The following OCA2 variants were observed in gnomAD, a reference collection of about 807,000 sequenced individuals.
OCA2 encodes P protein.
A neutral mutation model predicts 100.2 loss-of-function variants in OCA2; 77 were observed. The ratio of observed to expected loss-of-function variants is 0.77; its 90% CI spans 0.64 to 0.93. The LOEUF is 0.93. OCA2 is among the 40% of genes least tolerant of loss of function. The probability of loss-of-function intolerance (pLI) is 0.00; values close to 1 mark genes in which losing one functional copy is unlikely to be tolerated. For synonymous variants in OCA2, 432 were observed against 439.2 expected (o/e 0.98, Z 0.21); for missense variants, 1,062 against 1,089.1 (o/e 0.98, Z 0.35).
intron 19 of OCA2, among the ~76,000 whole-genome samples, chr15:27,883,538 T>A (rs2037107017): frequency 6.6e-6 from 1 of 151,180 alleles, no homozygotes; most frequent in Non-Finnish European, 1.5e-5. Context: ...CCACCTAGAG[T>A]CCTGGGACCT....
At chr15:28,005,116 G>A (rs1224711294) in intron 9 of OCA2, among the ~76,000 whole-genome samples, 1 of 152,114 alleles carries the variant, frequency 6.6e-6, no homozygotes, top group African/African-American at 2.4e-5. Context: ...GCAGGCTTGG[G>A]AGGCTCCTCT....
At chr15:27,885,910 T>C (rs1219074614) in intron 19 of OCA2, among the ~76,000 whole-genome samples, 1 of 152,168 alleles carries the variant, frequency 6.6e-6, no homozygotes, top group Non-Finnish European at 1.5e-5. Context: ...CACAGATATA[T>C]ATTAGAGCAT....
At chr15:27,724,814 C>CT in the OCA2 span, among the ~76,000 whole-genome samples, 73,955 of 147,056 alleles carry the variant, frequency 0.5, 18,682 homozygotes, top group African/African-American at 0.54. Flanking sequence ...GTGAGAGACG[C>CT]TTTTTTTTTT....
intron 21 of OCA2, among the ~76,000 whole-genome samples, chr15:27,864,249 C>T (rs1355358214): frequency 2.0e-5 from 3 of 152,170 alleles, no homozygotes; most frequent in Non-Finnish European, 2.9e-5. Flanking sequence ...TTAGCTTGCA[C>T]AATGGCAGAG....
At chr15:28,035,359 T>C (rs1384625793) in intron 2 of OCA2, among the ~76,000 whole-genome samples, 1 of 152,124 alleles carries the variant, frequency 6.6e-6, no homozygotes, top group East Asian at 1.9e-4. Flanking sequence ...CTTAACACCA[T>C]CCGGATACCA....
intron 3 of OCA2, among the ~76,000 whole-genome samples, chr15:28,029,876 G>A (rs915147730): frequency 2.0e-5 from 3 of 152,170 alleles, no homozygotes; most frequent in Admixed American, 1.3e-4. Context: ...AAAGGAAAAC[G>A]TTTTGTAAGC....
At chr15:27,843,147 A>G (rs1230596668) in intron 23 of OCA2, among the ~76,000 whole-genome samples, 1 of 152,160 alleles carries the variant, frequency 6.6e-6, no homozygotes, top group Non-Finnish European at 1.5e-5. Context: ...AATCCAGCCT[A>G]TGGGTTGCCA....
intron 23 of OCA2, among the ~76,000 whole-genome samples, chr15:27,762,745 C>A (rs1330017701): frequency 7.2e-5 from 11 of 152,180 alleles, no homozygotes. Flanking sequence ...CCCTTATGCC[C>A]AACCTTTCTG....
At chr15:27,824,617 T>TATATATATATATATATATATA (rs1020369750) in intron 23 of OCA2, among the ~76,000 whole-genome samples, 1 of 130,130 alleles carries the variant, frequency 7.7e-6, no homozygotes, top group Non-Finnish European at 1.6e-5. Context: ...TATATATATA[T>TATATATATATATATATATATA]ATATAATATA....
intron 21 of OCA2, among the ~76,000 whole-genome samples, chr15:27,854,144 T>C (rs2035865717): frequency 6.6e-6 from 1 of 152,152 alleles, no homozygotes; most frequent in South Asian, 2.1e-4. Flanking sequence ...ACCGATAGAA[T>C]GTGGGTGGGT....
chr15:28,038,086 C>T (rs1390838839), intron 2 of OCA2, among the ~76,000 whole-genome samples: 5 of 151,364 alleles, frequency 3.3e-5, no homozygotes, highest in African/African-American at 9.7e-5. Context: ...CTCTCTTCTC[C>T]TCTCTTTCTC....
intron 23 of OCA2, among the ~76,000 whole-genome samples, chr15:27,835,113 C>T (rs369507839): frequency 6.6e-6 from 1 of 152,190 alleles, no homozygotes; most frequent in Non-Finnish European, 1.5e-5. Context: ...TCAAGAAGGG[C>T]AGCACATTTC....
intron 21 of OCA2, among the ~76,000 whole-genome samples, chr15:27,859,644 A>C (rs959351989): frequency 1.3e-5 from 2 of 152,246 alleles, no homozygotes; most frequent in Admixed American, 1.3e-4. Context: ...AAAATGAAGA[A>C]GAGGGAATAC....
intron 2 of OCA2, among the ~76,000 whole-genome samples, chr15:28,066,513 G>A (rs1316597392): frequency 1.3e-5 from 2 of 152,148 alleles, no homozygotes; most frequent in Admixed American, 1.3e-4. Flanking sequence ...CATTAAAACT[G>A]ATGAAGCAGA....
intron 18 of OCA2, among the ~76,000 whole-genome samples, chr15:27,932,503 G>A (rs543394949): frequency 4.3e-4 from 65 of 152,264 alleles, no homozygotes; most frequent in Non-Finnish European, 2.5e-4. Context: ...GTGGGGGCAG[G>A]CAGAGATAAG....
chr15:27,980,542 T>A, intron 14 of OCA2, among the ~76,000 whole-genome samples: 1 of 152,238 alleles, frequency 6.6e-6, no homozygotes, highest in East Asian at 1.9e-4. Flanking sequence ...CCTTAAGGAC[T>A]TCCTTTAGTA....
At chr15:27,745,520 A>C in the OCA2 span, among the ~76,000 whole-genome samples, 3 of 152,268 alleles carry the variant, frequency 2.0e-5, no homozygotes, top group South Asian at 4.1e-4. Context: ...GGGAATGCAG[A>C]CCAGCAAGTC....
intron 20 of OCA2, among the ~76,000 whole-genome samples, chr15:27,871,513 T>A (rs976819400): frequency 6.6e-6 from 1 of 152,142 alleles, no homozygotes; most frequent in African/African-American, 2.4e-5. Flanking sequence ...CTGCCCCTCA[T>A]CCCCATGTGG....
chr15:27,728,004 ATGTCTC>A, the OCA2 span, among the ~76,000 whole-genome samples: 1 of 152,194 alleles, frequency 6.6e-6, no homozygotes, highest in East Asian at 1.9e-4. Context: ...CCAAAGGTGT[ATGTCTC>A]TCACACACGC....
Sources: gnomAD v4.1 joint callset for allele counts (sites outside exome capture counted in the v4.1 genomes callset) on GRCh38, gnomAD v4.1.1 for gene constraint, MANE v1.5 for transcripts, NCBI Gene and HGNC (gene_info 2026-07-23, HGNC 2026-07-21) for gene names.